CPM: variants seen among roughly 807,000 people sequenced by gnomAD.
The protein encoded by CPM is renal carboxypeptidase.
Under a neutral mutation model 46.4 loss-of-function variants are expected in CPM, and 35 were observed. That is an observed-to-expected ratio of 0.75 (90% CI 0.58 to 1.00). The LOEUF (loss-of-function observed/expected upper bound fraction) is 1.00, where lower values mean the gene tolerates loss of function less well. Ranked by LOEUF, CPM falls within the 50% of genes least tolerant of loss-of-function variation. The pLI is 0.00. For synonymous variants in CPM, 195 were observed against 195.3 expected (o/e 1.00, Z 0.01); for missense variants, 422 against 530.4 (o/e 0.80, Z 2.01).
intron 6 of CPM, 54 bp downstream of exon 6, chr12:68,869,271 G>A (rs1406949674): frequency 1.9e-6 from 3 of 1,548,310 alleles, no homozygotes; most frequent in African/African-American, 2.8e-5. Context: ...TAAACCAGCT[G>A]GCACTTCTGG....
At chr12:68,910,596 T>C (rs1409921541) in intron 2 of CPM, among the ~76,000 whole-genome samples, 2 of 152,190 alleles carry the variant, frequency 1.3e-5, no homozygotes, top group Non-Finnish European at 2.9e-5. Flanking sequence ...TTGCATACTA[T>C]ACAATCCACT....
At chr12:68,876,250 TAAAG>T (rs1371281187) in intron 3 of CPM, among the ~76,000 whole-genome samples, 2 of 152,136 alleles carry the variant, frequency 1.3e-5, no homozygotes, top group Non-Finnish European at 2.9e-5. Context: ...GAAAATAAGA[TAAAG>T]AACCAACTAA....
At chr12:68,926,011 A>G (rs1166384721) in intron 2 of CPM, among the ~76,000 whole-genome samples, 3 of 152,098 alleles carry the variant, frequency 2.0e-5, no homozygotes, top group Admixed American at 6.5e-5. Flanking sequence ...CCACCTCCCA[A>G]GCTCAAGCAA....
In CPM at chr12:68,851,210, A is replaced by G. The variant is rs1884657833; in HGVS notation, c.*5227T>C. 6.6e-6 allele frequency: 1 copy of G among 152,620 alleles called. No individual in the cohort carries two copies. Among genetic ancestry groups the G allele is most frequent in the African/African-American group, 2.4e-5 (1 of 41,452 alleles). The allele number at this position is 152,620 out of a possible 1,614,324, so 9.5% of individuals were successfully genotyped here. A position where few individuals can be genotyped will look rare whatever the true frequency, so the allele number is the denominator to read the frequency against. On this transcript the variant is annotated 3_prime_UTR_variant, in exon 9 of 9. Coordinates refer to ENST00000551568, the MANE Select transcript of CPM (RefSeq NM_198320.5). The stretch of plus-strand genomic sequence containing the variant: ...TATTAGTTCTTTATTGAGAATCAGA[A>G]ATATTTTAAATTTACTAAATTCAGA...
intron 2 of CPM, among the ~76,000 whole-genome samples, chr12:68,920,034 A>G (rs1458782141): frequency 6.6e-6 from 1 of 152,068 alleles, no homozygotes; most frequent in East Asian, 1.9e-4. Flanking sequence ...GTGAGTTCTC[A>G]CGAGATCTGG....
At chr12:68,929,339 T>C (rs74760151) in intron 2 of CPM, among the ~76,000 whole-genome samples, 2,189 of 152,248 alleles carry the variant, frequency 0.014, 50 homozygotes, top group African/African-American at 0.05. Flanking sequence ...AGATTATTGA[T>C]TATGTGCCAG....
chr12:68,953,397 T>A (rs1462388780), intron 1 of CPM, among the ~76,000 whole-genome samples: 1 of 152,200 alleles, frequency 6.6e-6, no homozygotes, highest in Non-Finnish European at 1.5e-5. Context: ...TTTCAGGGCC[T>A]ATTTCAGAAG....
chr12:68,886,838 C>CTT (rs1886454024), intron 2 of CPM, among the ~76,000 whole-genome samples: 5 of 152,062 alleles, frequency 3.3e-5, no homozygotes, highest in African/African-American at 1.2e-4. Flanking sequence ...GTGATCTGGG[C>CTT]AAGAAAGGGC....
chr12:68,957,433 G>A, intron 1 of CPM: 1 of 269,176 alleles, frequency 3.7e-6, no homozygotes, highest in Non-Finnish European at 7.6e-6. Context: ...ATTCCCTTCT[G>A]AGCTCCCTGT....
chr12:68,891,822 C>T (rs1886665704), intron 2 of CPM, among the ~76,000 whole-genome samples: 1 of 152,110 alleles, frequency 6.6e-6, no homozygotes, highest in African/African-American at 2.4e-5. Flanking sequence ...CTGCAGCCTC[C>T]ACTTCCTGGG....
chr12:68,912,920 G>A (rs1172891046), intron 2 of CPM, among the ~76,000 whole-genome samples: 1 of 152,106 alleles, frequency 6.6e-6, no homozygotes, highest in Non-Finnish European at 1.5e-5. Context: ...CAACACACAG[G>A]GAAAAGCCTT....
intron 2 of CPM, among the ~76,000 whole-genome samples, chr12:68,893,406 G>T (rs1382958902): frequency 6.6e-6 from 1 of 152,200 alleles, no homozygotes; most frequent in Non-Finnish European, 1.5e-5. Flanking sequence ...TCAGCCACAG[G>T]ATCCCAATGA....
At chr12:68,915,561 C>T (rs772860498) in intron 2 of CPM, among the ~76,000 whole-genome samples, 17 of 152,190 alleles carry the variant, frequency 1.1e-4, no homozygotes, top group Non-Finnish European at 2.2e-4. Flanking sequence ...TTACCAATCA[C>T]CCTGTAGGCC....
chr12:68,906,495 G>GTT (rs11405459), intron 2 of CPM, among the ~76,000 whole-genome samples: 58 of 148,504 alleles, frequency 3.9e-4, no homozygotes, highest in South Asian at 2.4e-3. Flanking sequence ...TGTAGATTTT[G>GTT]TTTTTTTTTT....
intron 2 of CPM, among the ~76,000 whole-genome samples, chr12:68,895,028 CAA>C (rs35142646): frequency 1.5e-3 from 117 of 78,216 alleles, no homozygotes; most frequent in African/African-American, 5.1e-3. Context: ...GACTCAGTCT[CAA>C]AAAAAAAAAA....
intron 2 of CPM, among the ~76,000 whole-genome samples, chr12:68,892,657 T>G (rs1273839807): frequency 6.6e-6 from 1 of 152,012 alleles, no homozygotes; most frequent in East Asian, 1.9e-4. Context: ...GTTGGGAGTT[T>G]GAGACCAGCC....
intron 3 of CPM, among the ~76,000 whole-genome samples, chr12:68,884,168 A>G (rs920441690): frequency 6.6e-6 from 1 of 151,542 alleles, no homozygotes; most frequent in African/African-American, 2.4e-5. Context: ...GACCTCGATC[A>G]ATAGACAAGA....
intron 8 of CPM, 79 bp from the exon 9 acceptor site, chr12:68,856,758 C>T: frequency 6.5e-7 from 1 of 1,536,062 alleles, no homozygotes; most frequent in Non-Finnish European, 8.8e-7. Context: ...TGATATCCAT[C>T]ACTAAAATGC....
intron 1 of CPM, among the ~76,000 whole-genome samples, chr12:68,946,979 C>T (rs1425631561): frequency 1.3e-5 from 2 of 152,160 alleles, no homozygotes; most frequent in African/African-American, 4.8e-5. Context: ...TTATTTTGGT[C>T]TTCTGTTTGC....
Sources: gnomAD v4.1 joint callset for allele counts (sites outside exome capture counted in the v4.1 genomes callset) on GRCh38, gnomAD v4.1.1 for gene constraint, MANE v1.5 for transcripts, NCBI Gene and HGNC (gene_info 2026-07-23, HGNC 2026-07-21) for gene names.